PRRG1: variants seen among roughly 807,000 people sequenced by gnomAD.
The protein encoded by PRRG1 is transmembrane gamma-carboxyglutamic acid protein 1.
A neutral mutation model predicts 11.8 loss-of-function variants in PRRG1; 5 were observed. The ratio of observed to expected loss-of-function variants is 0.42; its 90% CI spans 0.22 to 0.89. The LOEUF is 0.89. Among genes scored for constraint, PRRG1 ranks in the 40% least tolerant of loss-of-function variants. The pLI, the probability that PRRG1 is intolerant of heterozygous loss-of-function variation, is 0.28. For synonymous variants in PRRG1, 66 were observed against 60.4 expected (o/e 1.09, Z -0.43); for missense variants, 155 against 166.1 (o/e 0.93, Z 0.37).
At chrX:37,418,963 G>C (rs1556386063) in intron 2 of PRRG1, among the ~76,000 whole-genome samples, 1 of 111,869 alleles carries the variant, frequency 8.9e-6, no homozygotes, top group African/African-American at 3.2e-5. Context: ...AAGAAGTTGA[G>C]GTTCCCCTGT....
chrX:37,445,274 A>G (rs1296335028), intron 3 of PRRG1, among the ~76,000 whole-genome samples: 2 of 112,225 alleles, frequency 1.8e-5, no homozygotes, highest in African/African-American at 6.5e-5. Flanking sequence ...TAGGCATCCC[A>G]GACATTAAAA....
At chrX:37,389,612 C>T (rs1395766920) in intron 1 of PRRG1, among the ~76,000 whole-genome samples, 1 of 111,149 alleles carries the variant, frequency 9.0e-6, no homozygotes. Context: ...CTTGCAATAA[C>T]TCACTCACTC....
At position 37,430,660 on chromosome X, in the gene PRRG1, C is replaced by T. The variant is rs781912950; in HGVS notation, c.171+4660C>T. Among the ~76,000 whole-genome samples the T allele has an allele frequency of 1.7e-3, 191 of 111,450 alleles. 1 individual carries two copies. The highest frequency in any genetic ancestry group is 6.1e-3 in the African/African-American group (186 of 30,714). On this transcript the variant is annotated intron_variant, in intron 3 of 3. Transcript: ENST00000378628. ...TTATTTGGAAATAATTATAGATTCACAAAAAATTGCAAAGATAATACATTG... is the reference window on the plus strand; with the variant it reads ...TTATTTGGAAATAATTATAGATTCATAAAAAATTGCAAAGATAATACATTG...
intron 1 of PRRG1, among the ~76,000 whole-genome samples, chrX:37,349,819 C>T (rs1929995934): frequency 1.8e-5 from 2 of 110,673 alleles, no homozygotes; most frequent in Non-Finnish European, 3.8e-5. Context: ...CATTCCCCGT[C>T]GGAGGGGAAA....
rs1375884231 is a variant in PRRG1, at chrX:37,362,389, A to AT, written c.-42+13007dup. The stretch of plus-strand genomic sequence containing the variant: ...TTATTTCCTTCCTAATATGGTAGTC[A>AT]TTTTTTTTTTTTTAACTTTTCTCCC... On this transcript the variant is annotated intron_variant, in intron 1 of 3. Transcript: ENST00000378628. 3.8e-3 allele frequency among the ~76,000 whole-genome samples: 389 copies of AT among 101,591 alleles called. 4 individuals are homozygous for AT. Among genetic ancestry groups the AT allele is most frequent in the Middle Eastern group, 0.02 (4 of 200 alleles). 88.2% of individuals were successfully genotyped at this position (101,591 alleles called of 115,157 possible).
chrX:37,352,988 ATACTT>A (rs1275582272), intron 1 of PRRG1, among the ~76,000 whole-genome samples: 2 of 112,056 alleles, frequency 1.8e-5, no homozygotes, highest in African/African-American at 6.5e-5. Flanking sequence ...TTACTATACT[ATACTT>A]TTTAATTATT....
chrX:37,398,356 T>C (rs1371480267), intron 1 of PRRG1, among the ~76,000 whole-genome samples: 1 of 112,091 alleles, frequency 8.9e-6, no homozygotes, highest in Non-Finnish European at 1.9e-5. Context: ...CCGCTGCTGA[T>C]ACCCAGGCAA....
chrX:37,412,559 C>A (rs1163110872), intron 2 of PRRG1, among the ~76,000 whole-genome samples: 17 of 110,536 alleles, frequency 1.5e-4, no homozygotes, highest in African/African-American at 4.9e-4. Flanking sequence ...TTTATTGTGA[C>A]ATATTCAGGC....
At chrX:37,418,578 A>G (rs1932567256) in intron 2 of PRRG1, among the ~76,000 whole-genome samples, 1 of 111,902 alleles carries the variant, frequency 8.9e-6, no homozygotes, top group African/African-American at 3.2e-5. Flanking sequence ...TAAAAACCAT[A>G]TTTTTATAGA....
chrX:37,408,712 A>G (rs1556382785), intron 2 of PRRG1, among the ~76,000 whole-genome samples: 1 of 111,767 alleles, frequency 8.9e-6, no homozygotes, highest in African/African-American at 3.3e-5. Context: ...TTTCCTATCT[A>G]TTGCCTAAAA....
At chrX:37,365,281 A>G (rs7473045) in intron 1 of PRRG1, among the ~76,000 whole-genome samples, 32,609 of 110,477 alleles carry the variant, frequency 0.3, 7,069 homozygotes, top group African/African-American at 0.77. Context: ...CAGCTGCTTG[A>G]TTTAGTGCAG....
intron 1 of PRRG1, among the ~76,000 whole-genome samples, chrX:37,370,430 G>A (rs1272473259): frequency 1.8e-5 from 2 of 111,576 alleles, no homozygotes; most frequent in African/African-American, 3.3e-5. Flanking sequence ...GGGGAGGTAC[G>A]ACCAAGGCTG....
intron 1 of PRRG1, among the ~76,000 whole-genome samples, chrX:37,365,069 G>A (rs1556368849): frequency 1.8e-5 from 2 of 111,587 alleles, no homozygotes; most frequent in African/African-American, 6.5e-5. Flanking sequence ...TATTAAGATG[G>A]CCAAAAGTTA....
chrX:37,361,108 C>T (rs1193406049), intron 1 of PRRG1, among the ~76,000 whole-genome samples: 2 of 111,880 alleles, frequency 1.8e-5, no homozygotes. Flanking sequence ...TTTGGGAGGC[C>T]AAGGCCGGCA....
intron 2 of PRRG1, among the ~76,000 whole-genome samples, chrX:37,420,668 C>CAAAAAAAAAAAA (rs1302856034): frequency 4.7e-4 from 14 of 29,489 alleles, no homozygotes; most frequent in Admixed American, 1.3e-3. Flanking sequence ...CCCGTCTATG[C>CAAAAAAAAAAAA]AAAAAAAAAA....
At chrX:37,366,066 T>C (rs1217110881) in intron 1 of PRRG1, among the ~76,000 whole-genome samples, 1 of 112,632 alleles carries the variant, frequency 8.9e-6, no homozygotes, top group East Asian at 2.8e-4. Context: ...AATGTTATTC[T>C]AGTACTTCTG....
chrX:37,349,623 A>G lies in PRRG1; in HGVS notation c.-42+228A>G, dbSNP rs1200745070. Among the ~76,000 whole-genome samples the G allele has an allele frequency of 9.9e-5, 11 of 111,117 alleles. No individual in the cohort carries two copies. The East Asian group carries it at 3.2e-3, about 32-fold the overall frequency. The stretch of plus-strand genomic sequence containing the variant: ...GTGAGGGTGGGTATGACGAGAAAAA[A>G]AATTGAAGGAATGGGGTTTACAGGC... On this transcript the variant is annotated intron_variant, in intron 1 of 3. Transcript: ENST00000378628.
intron 1 of PRRG1, among the ~76,000 whole-genome samples, chrX:37,350,021 G>C (rs1398607561): frequency 9.8e-6 from 1 of 101,647 alleles, no homozygotes; most frequent in Non-Finnish European, 2.0e-5. Flanking sequence ...GTGCGAGGTC[G>C]GTCGCGGTGC....
rs188939173 is a variant in PRRG1, at chrX:37,425,553, A to G, written c.11-287A>G. On this transcript the variant is annotated intron_variant, in intron 2 of 3. Transcript: ENST00000378628. Reference sequence around the variant, plus strand: ...AGTAATGAGTATAAGTAGTGCTATCATTATTAGTATATTTAAACACCCATG... The same window carrying G: ...AGTAATGAGTATAAGTAGTGCTATCGTTATTAGTATATTTAAACACCCATG... Among the ~76,000 whole-genome samples the G allele has an allele frequency of 6.2e-4, 70 of 112,213 alleles. No homozygotes were observed. In the Admixed American group the frequency reaches 6.6e-3, roughly 11 times the overall value.
Sources: allele counts gnomAD v4.1 joint callset (sites outside exome capture counted in the v4.1 genomes callset), GRCh38; gene constraint gnomAD v4.1.1; transcripts MANE v1.5; gene names NCBI Gene and HGNC (gene_info 2026-07-23, HGNC 2026-07-21).